The following CLUH variants were observed in gnomAD, a reference collection of about 807,000 sequenced individuals.
CLUH encodes clustered mitochondria protein homolog.
Under a neutral mutation model 139.3 loss-of-function variants are expected in CLUH, and 77 were observed. The ratio of observed to expected loss-of-function variants is 0.55; its 90% CI spans 0.46 to 0.67. The LOEUF is 0.67. Among genes scored for constraint, CLUH ranks in the 30% least tolerant of loss-of-function variants. The probability of loss-of-function intolerance (pLI) is 0.00; values close to 1 mark genes in which losing one functional copy is unlikely to be tolerated. For missense variants in CLUH, 1,876 were observed against 1,875.8 expected (o/e 1.00, Z 0.00); for synonymous variants, 999 against 801.6 (o/e 1.25, Z -4.16).
chr17:2,696,543 G>C lies in CLUH; in HGVS notation c.2186-5C>G. The C allele has an allele frequency of 6.4e-7, 1 of 1,563,544 alleles. No individual in the cohort carries two copies. The highest frequency in any genetic ancestry group is 1.4e-5 in the African/African-American group (1 of 73,874). ...CCTCCCGGCTCCGAGGGTCTGCTGT[G>C]GAGACATGGCTCCATGAGACACGGG... On this transcript the variant is annotated splice_region_variant and splice_polypyrimidine_tract_variant and intron_variant, in intron 11 of 25. Transcript: ENST00000651024.
At chr17:2,708,096 C>T in intron 1 of CLUH, 2 of 752,340 alleles carry the variant, frequency 2.7e-6, no homozygotes, top group Non-Finnish European at 3.2e-6. Flanking sequence ...CCCAGCTGGC[C>T]AGGGCGCCTT....
chr17:2,695,325 C>T, intron 14 of CLUH, 45 bp from the exon 15 acceptor site: 1 of 1,613,518 alleles, frequency 6.2e-7, no homozygotes, highest in Non-Finnish European at 8.5e-7. Flanking sequence ...CCCCGGCCTC[C>T]ATCCCAGTCC....
rs1436775008 is a variant in CLUH, at chr17:2,696,734, C to T, written c.2170G>A (p.Ala724Thr). ...KVKELAETIA[A>T]DDGTADPRSR... The stretch of plus-strand genomic sequence containing the variant: ...GCAGCCCCACCTGTGCCGTCGTCTG[C>T]GGCGATGGTCTCTGCCAGCTCCTTC... Residue 724 changes from alanine to threonine, a missense_variant, in exon 11 of 26, where the codon GCA becomes ACA. By Grantham distance (58) the Ala-to-Thr change is moderately conservative (BLOSUM62 0). Around this residue, in one of 3 missense-constraint regions of CLUH, gnomAD observed 1,454 missense variants for 1,384.4 expected, o/e 1.05. Coordinates refer to ENST00000651024, the MANE Select transcript of CLUH (RefSeq NM_001366661.1). The T allele has an allele frequency of 8.1e-6, 13 of 1,612,114 alleles. No individual in the cohort carries two copies. Among genetic ancestry groups the T allele is most frequent in the South Asian group, 1.1e-5 (1 of 91,002 alleles).
At position 2,700,554 on chromosome 17, in the gene CLUH, C is replaced by T. The variant is rs372790933; in HGVS notation, c.1174-80G>A. ...TCCCGGAAGTCGCTCCTTCTACCTT[C>T]CTGAGAAGAGCCCCAGACTCCCAAA... On this transcript the variant is annotated intron_variant, in intron 8 of 25. Transcript: ENST00000651024. 1.2e-4 allele frequency: 187 copies of T among 1,553,154 alleles called. 3 individuals are homozygous for T. In the South Asian group the frequency reaches 1.8e-3, roughly 15 times the overall value.
At chr17:2,711,496 C>A in intron 1 of CLUH, 66 bp downstream of exon 1, 1 of 155,166 alleles carries the variant, frequency 6.4e-6, no homozygotes, top group Non-Finnish European at 1.3e-5. Context: ...CCCGCGGAGT[C>A]CCGAACCCGC....
chr17:2,695,581 G>A (rs1479225840), intron 13 of CLUH, 55 bp from the exon 14 acceptor site: 4 of 1,513,500 alleles, frequency 2.6e-6, no homozygotes, highest in African/African-American at 2.7e-5. Context: ...CCACCCAACT[G>A]AGTCCTTCTG....
Position 2,690,573 on chromosome 17 carries a change from G to A in CLUH, c.*21C>T, listed in dbSNP as rs1211703377. The A allele has an allele frequency of 3.0e-5, 43 of 1,429,086 alleles. No individual in the cohort carries two copies. The highest frequency in any genetic ancestry group is 2.0e-4 in the Middle Eastern group (1 of 5,052). The allele number at this position is 1,429,086 out of a possible 1,614,324, so 88.5% of individuals were successfully genotyped here. On this transcript the variant is annotated 3_prime_UTR_variant, in exon 26 of 26. Transcript: ENST00000651024. ...TCCCTGGTGACGGGGCCGCTGGCTG[G>A]CTGTCCGTCTGGCTCCCTCTCTATC...
intron 23 of CLUH, 33 bp downstream of exon 23, chr17:2,691,971 C>CA: frequency 4.2e-6 from 3 of 708,446 alleles, no homozygotes; most frequent in South Asian, 3.0e-5. Flanking sequence ...GCCCCCGCCC[C>CA]GCCCCCGCCC....
chr17:2,694,839 C>A lies in CLUH; in HGVS notation c.2852+18G>T, dbSNP rs1235269514. The A allele has an allele frequency of 1.3e-6, 2 of 1,482,886 alleles. No individual in the cohort carries two copies. Among genetic ancestry groups the A allele is most frequent in the African/African-American group, 2.8e-5 (2 of 71,252 alleles). The allele number at this position is 1,482,886 out of a possible 1,614,324, so 91.9% of individuals were successfully genotyped here. A position where few individuals can be genotyped will look rare whatever the true frequency, so the allele number is the denominator to read the frequency against. ...CTGCCCAATCCCACCCACCCCACCG[C>A]CCCTGCCCCGCACGCACCACTCGAG... On this transcript the variant is annotated intron_variant, in intron 16 of 25. Transcript: ENST00000651024.
At position 2,690,321 on chromosome 17, in the gene CLUH, C is replaced by T. The variant is rs1237476296; in HGVS notation, c.*273G>A. The T allele has an allele frequency of 5.0e-6, 2 of 398,904 alleles. No homozygotes were observed. The highest frequency in any genetic ancestry group is 8.9e-6 in the Non-Finnish European group (2 of 225,662). 24.7% of individuals were successfully genotyped at this position (398,904 alleles called of 1,614,324 possible). A position where few individuals can be genotyped will look rare whatever the true frequency, so the allele number is the denominator to read the frequency against. On this transcript the variant is annotated 3_prime_UTR_variant, in exon 26 of 26. Coordinates refer to ENST00000651024, the MANE Select transcript of CLUH (RefSeq NM_001366661.1). ...GCCGGCCGGACGGCGGGGGCCGAAGCAACACCTGCCCCCCAGCCGGGAACT... is the reference window on the plus strand; with the variant it reads ...GCCGGCCGGACGGCGGGGGCCGAAGTAACACCTGCCCCCCAGCCGGGAACT...
intron 1 of CLUH, among the ~76,000 whole-genome samples, chr17:2,705,173 G>A (rs1021246438): frequency 3.9e-5 from 6 of 152,000 alleles, no homozygotes; most frequent in African/African-American, 1.5e-4. Flanking sequence ...AGGCATCACT[G>A]AAGCCTCGTC....
At chr17:2,701,294 G>A in intron 6 of CLUH, 29 bp from the exon 7 acceptor site, 1 of 1,608,310 alleles carries the variant, frequency 6.2e-7, no homozygotes, top group Non-Finnish European at 8.5e-7. Context: ...CACTGAGCGG[G>A]GGCCCAGGTG....
At chr17:2,691,956 G>GCCCCGC (rs762374288) in intron 23 of CLUH, 48 bp downstream of exon 23, 11 of 440,040 alleles carry the variant, frequency 2.5e-5, no homozygotes, top group Admixed American at 7.9e-5. Context: ...CCCCCGCCCC[G>GCCCCGC]CCACGCCCCC....
At chr17:2,700,117 G>A (rs1036137315) in intron 9 of CLUH, among the ~76,000 whole-genome samples, 3 of 152,378 alleles carry the variant, frequency 2.0e-5, no homozygotes, top group African/African-American at 7.2e-5. Flanking sequence ...GAAGCTGCAC[G>A]GCCCTGGACA....
chr17:2,710,351 G>GC (rs1310810627), intron 1 of CLUH, among the ~76,000 whole-genome samples: 3 of 152,228 alleles, frequency 2.0e-5, no homozygotes, highest in Non-Finnish European at 4.4e-5. Flanking sequence ...CAGCAGTACT[G>GC]CCCCAGCACC....
Position 2,696,248 on chromosome 17 carries a change from G to T in CLUH, c.2302C>A (p.Pro768Thr). 6.4e-7 allele frequency: 1 copy of T among 1,573,392 alleles called. No homozygotes were observed. The highest frequency in any genetic ancestry group is 8.6e-7 in the Non-Finnish European group (1 of 1,159,986). ...PDIFSPGVRF[P>T]ESCQDEVRDQ... is the part of the protein sequence containing the mutation. Reference sequence around the variant, plus strand: ...CGAACTTCATCCTGGCAGGACTCAGGGAAACGAACCCCTGGAGGAGGGAGA... The same window carrying T: ...CGAACTTCATCCTGGCAGGACTCAGTGAAACGAACCCCTGGAGGAGGGAGA... The change falls in exon 13 of 26, where the codon CCT (proline) becomes ACT (threonine). Residue 768 changes from proline (P) to threonine (T), a missense_variant. Physicochemically the swap from Pro to Thr is conservative, Grantham distance 38. Around this residue, in one of 3 missense-constraint regions of CLUH, gnomAD observed 1,454 missense variants for 1,384.4 expected, o/e 1.05. Coordinates refer to ENST00000651024, the MANE Select transcript of CLUH (RefSeq NM_001366661.1).
At position 2,701,156 on chromosome 17, in the gene CLUH, C is replaced by T; in HGVS notation, c.1009G>A (p.Val337Met). Residue 337 changes from valine (V) to methionine (M), a missense_variant, in exon 7 of 26, where the codon GTG (valine) becomes ATG (methionine). Coordinates refer to ENST00000651024, the MANE Select transcript of CLUH (RefSeq NM_001366661.1). ...AGGCACTACCTTTTCTTCTGCAGCA[C>T]AGCGAAGTTCTTCTTGAAGGTCGGG... ...ISPTFKKNFA[V>M]LQKKRVQRHP... is the part of the protein sequence containing the mutation. The T allele has an allele frequency of 1.2e-6, 2 of 1,613,980 alleles. No homozygotes were observed. The highest frequency in any genetic ancestry group is 8.5e-7 in the Non-Finnish European group (1 of 1,179,896).
chr17:2,695,173 C>A, intron 15 of CLUH, 45 bp downstream of exon 15: 2 of 1,613,708 alleles, frequency 1.2e-6, no homozygotes, highest in Non-Finnish European at 1.7e-6. Flanking sequence ...ACGCCCCACA[C>A]CACCCTGGGA....
Position 2,696,735 on chromosome 17 carries a change from G to A in CLUH, c.2169C>T (p.Ala723=), listed in dbSNP as rs774924952. 27 of 1,612,170 alleles carry A rather than the reference G, an allele frequency of 1.7e-5. No individual in the cohort carries two copies. Among genetic ancestry groups the A allele is most frequent in the Middle Eastern group, 2.0e-4 (1 of 5,036 alleles). The change falls in exon 11 of 26, where the codon GCC becomes GCT. Residue 723 remains alanine (A), a synonymous_variant. Coordinates refer to ENST00000651024, the MANE Select transcript of CLUH (RefSeq NM_001366661.1). ...CAGCCCCACCTGTGCCGTCGTCTGC[G>A]GCGATGGTCTCTGCCAGCTCCTTCA... ...AKVKELAETI[A]ADDGTADPRS...
Sources: allele counts gnomAD v4.1 joint callset (sites outside exome capture counted in the v4.1 genomes callset), GRCh38; gene constraint gnomAD v4.1.1; regional missense constraint gnomAD v4.1.1; transcripts MANE v1.5; gene names NCBI Gene and HGNC (gene_info 2026-07-23, HGNC 2026-07-21).